Variants in SPATS2 observed in about 807,000 individuals in gnomAD.
SPATS2 encodes spermatogenesis associated serine rich 2, also known as spermatogenesis-associated serine-rich protein 2.
In SPATS2, 38 loss-of-function variants were observed where a neutral mutation model predicts 63.7. The observed-to-expected ratio is 0.60, with a 90% CI of 0.46 to 0.78. The LOEUF (loss-of-function observed/expected upper bound fraction) is 0.78, where lower values mean the gene tolerates loss of function less well. SPATS2 is among the 30% of genes least tolerant of loss of function. The pLI is 0.00. For missense variants in SPATS2, 588 were observed against 666.2 expected (o/e 0.88, Z 1.29); for synonymous variants, 207 against 232.9 (o/e 0.89, Z 1.01).
chr12:49,458,582 C>G (rs1945761965), intron 2 of SPATS2, among the ~76,000 whole-genome samples: 1 of 152,082 alleles, frequency 6.6e-6, no homozygotes, highest in Admixed American at 6.6e-5. Flanking sequence ...GAGTTCAAGA[C>G]CAGCCTGGCC....
intron 2 of SPATS2, among the ~76,000 whole-genome samples, chr12:49,412,193 A>ATTTAT (rs1292813139): frequency 6.6e-6 from 1 of 152,038 alleles, no homozygotes; most frequent in Non-Finnish European, 1.5e-5. Flanking sequence ...TTACCTAATA[A>ATTTAT]TTTATTTTAT....
At chr12:49,429,144 T>G (rs12320284) in intron 2 of SPATS2, among the ~76,000 whole-genome samples, 44,954 of 152,006 alleles carry the variant, frequency 0.3, 8,989 homozygotes, top group African/African-American at 0.57. Context: ...GGAGGACCTT[T>G]TGTCTTTTAA....
At position 49,384,960 on chromosome 12, in the gene SPATS2, C is replaced by T. The variant is rs945721224; in HGVS notation, c.-244+13670C>T. On this transcript the variant is annotated intron_variant, in intron 2 of 13. Transcript: ENST00000552918. ...GAGTAGCTGGGATTACAGGTGTGCG[C>T]CACCATGCCCAGCTAATTTTGTATT... Among the ~76,000 whole-genome samples the T allele has an allele frequency of 2.0e-5, 3 of 152,058 alleles. 1 individual carries two copies. The East Asian group carries it at 5.8e-4, about 29-fold the overall frequency.
At chr12:49,429,657 T>C (rs1000332040) in intron 2 of SPATS2, among the ~76,000 whole-genome samples, 4 of 152,080 alleles carry the variant, frequency 2.6e-5, no homozygotes, top group African/African-American at 9.7e-5. Flanking sequence ...GGTTTCACCA[T>C]GTTGGCCAGG....
chr12:49,372,010 C>A (rs912124709), intron 2 of SPATS2, among the ~76,000 whole-genome samples: 1 of 141,880 alleles, frequency 7.0e-6, no homozygotes, highest in Non-Finnish European at 1.5e-5. Context: ...TATGGTAATT[C>A]TATGTTTAGT....
Position 49,525,962 on chromosome 12 carries a change from C to T in SPATS2, c.1345C>T (p.Arg449Ter). The change falls in exon 14 of 14, where the codon CGA (arginine) becomes TGA (stop). Residue 449 changes from arginine (R) to a stop codon, truncating the protein, a stop_gained. Transcript: ENST00000552918. LOFTEE classifies it high-confidence loss of function. ...PLREVLPGNR[R>*]GGQGYRPQGQ... ...TCTTTAGGTATTGCCAGGGAACAGA[C>T]GAGGAGGACAGGGCTATAGGCCACA... 8 of 1,613,970 alleles carry T rather than the reference C, an allele frequency of 5.0e-6. No individual in the cohort carries two copies. The highest frequency in any genetic ancestry group is 2.2e-5 in the South Asian group (2 of 91,050).
At chr12:49,468,620 A>G (rs1363893604) in intron 3 of SPATS2, among the ~76,000 whole-genome samples, 1 of 151,520 alleles carries the variant, frequency 6.6e-6, no homozygotes, top group Non-Finnish European at 1.5e-5. Context: ...GGGACTACAG[A>G]TACGTGTCAT....
chr12:49,517,852 C>T, intron 10 of SPATS2, among the ~76,000 whole-genome samples: 1 of 152,100 alleles, frequency 6.6e-6, no homozygotes, highest in East Asian at 1.9e-4. Flanking sequence ...TATGTTGGTA[C>T]CCAACAACAT....
At chr12:49,516,593 C>G (rs1946854910) in intron 10 of SPATS2, among the ~76,000 whole-genome samples, 1 of 151,332 alleles carries the variant, frequency 6.6e-6, no homozygotes, top group African/African-American at 2.4e-5. Flanking sequence ...GTAGTCCCAG[C>G]TACTCGGGAG....
At chr12:49,383,643 C>T (rs111966815) in intron 2 of SPATS2, among the ~76,000 whole-genome samples, 1 of 152,106 alleles carries the variant, frequency 6.6e-6, no homozygotes, top group African/African-American at 2.4e-5. Context: ...CTCAGGTGAT[C>T]CTCCCACCTC....
intron 3 of SPATS2, among the ~76,000 whole-genome samples, chr12:49,472,088 A>G (rs552229505): frequency 1.1e-4 from 16 of 152,116 alleles, no homozygotes; most frequent in African/African-American, 3.6e-4. Flanking sequence ...TAGTGAGCCA[A>G]GGTTGCGCCA....
intron 6 of SPATS2, among the ~76,000 whole-genome samples, chr12:49,491,726 A>G (rs541027425): frequency 1.3e-5 from 2 of 152,204 alleles, no homozygotes; most frequent in African/African-American, 4.8e-5. Flanking sequence ...ATAGAAAAAT[A>G]GTTCTAATAA....
intron 4 of SPATS2, among the ~76,000 whole-genome samples, chr12:49,487,785 A>C (rs545473669): frequency 6.6e-6 from 1 of 152,122 alleles, no homozygotes; most frequent in East Asian, 1.9e-4. Flanking sequence ...TGTAGAGACA[A>C]GGTCTCACTA....
chr12:49,415,068 T>C (rs1445333567), intron 2 of SPATS2, among the ~76,000 whole-genome samples: 2 of 151,240 alleles, frequency 1.3e-5, no homozygotes, highest in Non-Finnish European at 2.9e-5. Flanking sequence ...GCCTCCCGAG[T>C]AGAGGCACGT....
intron 6 of SPATS2, among the ~76,000 whole-genome samples, chr12:49,491,788 T>G (rs2137886652): frequency 6.6e-6 from 1 of 152,342 alleles, no homozygotes; most frequent in East Asian, 1.9e-4. Flanking sequence ...TCCTTTCTCC[T>G]TATTTACTTA....
At chr12:49,476,811 G>A (rs982730923) in intron 3 of SPATS2, among the ~76,000 whole-genome samples, 1 of 152,192 alleles carries the variant, frequency 6.6e-6, no homozygotes, top group Non-Finnish European at 1.5e-5. Context: ...ACCCTCAATA[G>A]TTCTTGGAAC....
intron 2 of SPATS2, among the ~76,000 whole-genome samples, chr12:49,454,045 A>G (rs780296089): frequency 9.2e-5 from 14 of 151,770 alleles, no homozygotes; most frequent in Non-Finnish European, 2.1e-4. Flanking sequence ...TTGTATTTTT[A>G]GTAGAGACAG....
At chr12:49,415,499 G>A (rs1944874397) in intron 2 of SPATS2, among the ~76,000 whole-genome samples, 1 of 152,060 alleles carries the variant, frequency 6.6e-6, no homozygotes, top group South Asian at 2.1e-4. Context: ...CTCTCTATCT[G>A]TACTTTCTTA....
chr12:49,498,148 ATAT>A (rs1565751651), intron 8 of SPATS2, among the ~76,000 whole-genome samples: 6 of 129,102 alleles, frequency 4.6e-5, no homozygotes, highest in African/African-American at 1.4e-4. Context: ...AAAAAAAAAT[ATAT>A]ATATATATAT....
Sources: gnomAD v4.1 joint callset for allele counts (sites outside exome capture counted in the v4.1 genomes callset) on GRCh38, gnomAD v4.1.1 for gene constraint, MANE v1.5 for transcripts, NCBI Gene and HGNC (gene_info 2026-07-23, HGNC 2026-07-21) for gene names.